The following ZBTB40 variants were observed in gnomAD, a reference collection of about 807,000 sequenced individuals.
ZBTB40 encodes the protein zinc finger and BTB domain-containing protein 40.
A neutral mutation model predicts 117.5 loss-of-function variants in ZBTB40; 60 were observed. The observed-to-expected ratio is 0.51, with a 90% CI of 0.41 to 0.63. The LOEUF is 0.63. Among genes scored for constraint, ZBTB40 ranks in the 30% least tolerant of loss-of-function variants. The pLI, the probability that ZBTB40 is intolerant of heterozygous loss-of-function variation, is 0.00. For synonymous variants in ZBTB40, 525 were observed against 577.1 expected (o/e 0.91, Z 1.29); for missense variants, 1,287 against 1,498.5 (o/e 0.86, Z 2.33).
chr1:22,468,088 C>G (rs1436930771), intron 1 of ZBTB40, among the ~76,000 whole-genome samples: 3 of 105,926 alleles, frequency 2.8e-5, no homozygotes, highest in East Asian at 5.1e-4. Flanking sequence ...GACCCCATCT[C>G]AAAAAAAAAA....
intron 1 of ZBTB40, among the ~76,000 whole-genome samples, chr1:22,475,624 G>T (rs1156619163): frequency 1.3e-5 from 2 of 152,014 alleles, no homozygotes; most frequent in African/African-American, 4.8e-5. Context: ...CCACTCACTG[G>T]GATTAATCTG....
chr1:22,433,941 A>G (rs541000119), intron 1 of ZBTB40, among the ~76,000 whole-genome samples: 1 of 152,132 alleles, frequency 6.6e-6, no homozygotes, highest in African/African-American at 2.4e-5. Context: ...ATAACTTTGT[A>G]TATACATTCT....
At position 22,527,977 on chromosome 1, in the gene ZBTB40, G is replaced by A. The variant is rs1569902996; in HGVS notation, c.*1581G>A. 1 of 152,602 alleles carries A rather than the reference G, an allele frequency of 6.6e-6. No individual in the cohort carries two copies. Among genetic ancestry groups the A allele is most frequent in the African/African-American group, 2.4e-5 (1 of 41,470 alleles). 9.5% of individuals were successfully genotyped at this position (152,602 alleles called of 1,614,324 possible). A position where few individuals can be genotyped will look rare whatever the true frequency, so the allele number is the denominator to read the frequency against. On this transcript the variant is annotated 3_prime_UTR_variant, in exon 18 of 18. Transcript: ENST00000375647. ...CTGCTTCTGGTCCTGTCCACATTTT[G>A]ATACGCAGATCACTTGAGCTTGTCA...
At chr1:22,456,843 C>T (rs1215254974) in intron 1 of ZBTB40, among the ~76,000 whole-genome samples, 5 of 152,188 alleles carry the variant, frequency 3.3e-5, no homozygotes, top group Non-Finnish European at 7.3e-5. Context: ...TAGGCAACCT[C>T]GTTAGCAGAT....
intron 12 of ZBTB40, among the ~76,000 whole-genome samples, chr1:22,514,312 A>C (rs1639320835): frequency 6.6e-6 from 1 of 152,222 alleles, no homozygotes; most frequent in Non-Finnish European, 1.5e-5. Flanking sequence ...CTTGATACTT[A>C]AAAAATAAAT....
chr1:22,496,464 T>C (rs892013973), intron 3 of ZBTB40, among the ~76,000 whole-genome samples: 4 of 152,096 alleles, frequency 2.6e-5, no homozygotes, highest in Non-Finnish European at 5.9e-5. Context: ...AGGGGGACGC[T>C]GTAAACCCAT....
intron 1 of ZBTB40, among the ~76,000 whole-genome samples, chr1:22,433,432 CAAAA>C (rs767913519): frequency 4.2e-3 from 37 of 8,766 alleles, no homozygotes; most frequent in East Asian, 9.8e-3. Flanking sequence ...GACGCCCTCT[CAAAA>C]AAAAAAAAAA....
intron 1 of ZBTB40, among the ~76,000 whole-genome samples, chr1:22,429,883 T>A (rs975976185): frequency 2.0e-5 from 3 of 152,118 alleles, no homozygotes; most frequent in African/African-American, 4.8e-5. Context: ...TAATTCCAGC[T>A]ACCCGGGAGG....
At chr1:22,522,763 A>AT (rs1390398487) in intron 16 of ZBTB40, among the ~76,000 whole-genome samples, 1,248 of 123,402 alleles carry the variant, frequency 0.01, 34 homozygotes, top group African/African-American at 0.033. Flanking sequence ...AAGATATACC[A>AT]TTTTTATTTT....
chr1:22,471,457 G>T (rs1324193556), intron 1 of ZBTB40, among the ~76,000 whole-genome samples: 2 of 152,340 alleles, frequency 1.3e-5, no homozygotes, highest in East Asian at 3.9e-4. Context: ...TAGCTGTGTG[G>T]TCTTGTGGGT....
chr1:22,507,314 T>A (rs1209393047), intron 6 of ZBTB40, among the ~76,000 whole-genome samples: 1 of 152,224 alleles, frequency 6.6e-6, no homozygotes, highest in Non-Finnish European at 1.5e-5. Context: ...GCCCGGCACA[T>A]GGGCATTCAG....
At chr1:22,429,979 A>G (rs1486990655) in intron 1 of ZBTB40, among the ~76,000 whole-genome samples, 2 of 152,228 alleles carry the variant, frequency 1.3e-5, no homozygotes, top group Non-Finnish European at 2.9e-5. Flanking sequence ...CCTGGGCAAC[A>G]AGAGTGAAAC....
At chr1:22,433,876 T>G (rs997457633) in intron 1 of ZBTB40, among the ~76,000 whole-genome samples, 1 of 151,770 alleles carries the variant, frequency 6.6e-6, no homozygotes, top group African/African-American at 2.4e-5. Flanking sequence ...AAGCTAGTTT[T>G]TTTTTTGTTT....
At position 22,508,242 on chromosome 1, in the gene ZBTB40, G is replaced by A. The variant is rs577916867; in HGVS notation, c.1497+105G>A. ...TATTTTCTGTAAATATACATATGTA[G>A]CCATGTTGAGAATTGCTAAGTAGAG... On this transcript the variant is annotated intron_variant, in intron 7 of 17. Transcript: ENST00000375647. 2.2e-5 allele frequency: 30 copies of A among 1,366,814 alleles called. No homozygotes were observed. The South Asian group carries it at 2.4e-4, about 11-fold the overall frequency. 84.7% of individuals were successfully genotyped at this position (1,366,814 alleles called of 1,614,324 possible). A position where few individuals can be genotyped will look rare whatever the true frequency, so the allele number is the denominator to read the frequency against.
intron 1 of ZBTB40, among the ~76,000 whole-genome samples, chr1:22,487,027 G>A (rs1168257418): frequency 5.3e-5 from 8 of 152,064 alleles, no homozygotes; most frequent in African/African-American, 7.2e-5. Context: ...GAGCTGCTGC[G>A]CCTGGCTTGT....
At chr1:22,509,632 A>G (rs2124455302) in intron 9 of ZBTB40, among the ~76,000 whole-genome samples, 1 of 152,358 alleles carries the variant, frequency 6.6e-6, no homozygotes, top group East Asian at 1.9e-4. Flanking sequence ...TACAGGCGTG[A>G]GCCACTGTGC....
At chr1:22,508,752 G>C (rs748198640) in intron 8 of ZBTB40, 21 bp downstream of exon 8, 15 of 1,611,416 alleles carry the variant, frequency 9.3e-6, no homozygotes, top group Non-Finnish European at 1.3e-5. Context: ...TGCCCTCTGG[G>C]GGGGTTTTGC....
At chr1:22,478,591 C>T (rs1178438861) in intron 1 of ZBTB40, among the ~76,000 whole-genome samples, 1 of 152,120 alleles carries the variant, frequency 6.6e-6, no homozygotes, top group Non-Finnish European at 1.5e-5. Context: ...GATGAGTACC[C>T]ACTTCATAGG....
intron 1 of ZBTB40, among the ~76,000 whole-genome samples, chr1:22,433,797 A>G (rs1359508932): frequency 1.3e-5 from 2 of 151,950 alleles, no homozygotes; most frequent in Non-Finnish European, 2.9e-5. Context: ...TCTGTCTCAA[A>G]AATTAATTCA....
Sources: allele counts gnomAD v4.1 joint callset (sites outside exome capture counted in the v4.1 genomes callset), GRCh38; gene constraint gnomAD v4.1.1; transcripts MANE v1.5; gene names NCBI Gene and HGNC (gene_info 2026-07-23, HGNC 2026-07-21).